Variants in SCAI observed in about 807,000 individuals in gnomAD.
The protein encoded by SCAI is suppressor of cancer cell invasion, also known as protein SCAI.
In SCAI, 24 loss-of-function variants were observed where a neutral mutation model predicts 92.2. The observed-to-expected ratio is 0.26, with a 90% confidence interval of 0.19 to 0.37. SCAI has a LOEUF of 0.37. Ranked by LOEUF, SCAI falls within the 10% of genes least tolerant of loss-of-function variation. The probability of loss-of-function intolerance (pLI) is 1.00; values close to 1 mark genes in which losing one functional copy is unlikely to be tolerated. For missense variants in SCAI, 450 were observed against 736.2 expected, an observed-to-expected ratio of 0.61 and a Z score of 4.50; for synonymous variants, 261 against 258.6, an observed-to-expected ratio of 1.01 and a Z score of -0.09.
chr9:125,007,140 A>C (rs1238074651), intron 9 of SCAI, among the ~76,000 whole-genome samples: 1 of 152,104 alleles, frequency 6.6e-6, no homozygotes, highest in African/African-American at 2.4e-5. Flanking sequence ...AAGAAAGAGA[A>C]TGCTGGGGGA....
chr9:124,999,577 G>A lies in SCAI; in HGVS notation c.1244+314C>T, dbSNP rs142338701. Among the ~76,000 whole-genome samples, 134 of 152,210 alleles carry A rather than the reference G, an allele frequency of 8.8e-4. No homozygotes were observed. The East Asian group carries it at 0.013, about 14-fold the overall frequency. ...ATTGATGTTACATGTATAATGTCCTGACATATTATTTATTTATGTATATAT... is the reference window on the plus strand; with the variant it reads ...ATTGATGTTACATGTATAATGTCCTAACATATTATTTATTTATGTATATAT... On this transcript the variant is annotated intron_variant, in intron 13 of 17. Coordinates refer to ENST00000336505, the MANE Select transcript of SCAI (RefSeq NM_001144877.3).
At chr9:125,103,218 C>T (rs1421066742) in intron 2 of SCAI, among the ~76,000 whole-genome samples, 1 of 152,114 alleles carries the variant, frequency 6.6e-6, no homozygotes, top group African/African-American at 2.4e-5. Flanking sequence ...GACATCATTC[C>T]CCTGGTTCTC....
chr9:125,113,445 T>A (rs763826232), intron 2 of SCAI, among the ~76,000 whole-genome samples: 6 of 152,042 alleles, frequency 3.9e-5, no homozygotes, highest in Non-Finnish European at 5.9e-5. Context: ...AAGAGGACCC[T>A]GAGGAAATGC....
At chr9:125,045,970 G>A (rs945584884) in intron 3 of SCAI, among the ~76,000 whole-genome samples, 1 of 151,486 alleles carries the variant, frequency 6.6e-6, no homozygotes, top group Non-Finnish European at 1.5e-5. Context: ...ATGTAAACTA[G>A]TACAACCACT....
chr9:125,084,158 C>CCTTTTT (rs1224570781), intron 2 of SCAI, among the ~76,000 whole-genome samples: 7 of 65,116 alleles, frequency 1.1e-4, no homozygotes, highest in African/African-American at 4.6e-4. Context: ...TTGGCTGCTG[C>CCTTTTT]TTTTTTTTTT....
chr9:125,137,786 G>A (rs1000349565), intron 2 of SCAI, among the ~76,000 whole-genome samples: 2 of 152,082 alleles, frequency 1.3e-5, no homozygotes, highest in African/African-American at 4.8e-5. Context: ...ATTTTTAGTA[G>A]AGATGGGGTT....
intron 14 of SCAI, among the ~76,000 whole-genome samples, chr9:124,982,461 C>G (rs1467600098): frequency 1.3e-5 from 2 of 152,118 alleles, no homozygotes; most frequent in South Asian, 2.1e-4. Flanking sequence ...CATCTGAGGT[C>G]AGGAGTTCGA....
chr9:125,113,456 G>A (rs1024662175), intron 2 of SCAI, among the ~76,000 whole-genome samples: 4 of 152,088 alleles, frequency 2.6e-5, no homozygotes, highest in African/African-American at 7.2e-5. Context: ...GAGGAAATGC[G>A]ATGACTAACT....
At chr9:125,056,064 C>A (rs1417768039) in intron 2 of SCAI, 57 bp from the exon 3 acceptor site, 7 of 1,331,782 alleles carry the variant, frequency 5.3e-6, no homozygotes, top group Non-Finnish European at 7.3e-6. Context: ...TAGAAAAAAA[C>A]CTTAGTTATA....
intron 3 of SCAI, among the ~76,000 whole-genome samples, chr9:125,033,988 GACAC>G (rs1833137890): frequency 6.6e-6 from 1 of 152,014 alleles, no homozygotes; most frequent in South Asian, 2.1e-4. Flanking sequence ...GGAAATAGAC[GACAC>G]ACAAGTGGGT....
chr9:125,080,128 G>A (rs776527546), intron 2 of SCAI, among the ~76,000 whole-genome samples: 20 of 152,026 alleles, frequency 1.3e-4, no homozygotes, highest in Non-Finnish European at 2.6e-4. Flanking sequence ...CAGGGGGCAG[G>A]GTACAGAAGA....
intron 2 of SCAI, among the ~76,000 whole-genome samples, chr9:125,081,161 A>G (rs1180746129): frequency 6.6e-6 from 1 of 152,222 alleles, no homozygotes; most frequent in Non-Finnish European, 1.5e-5. Flanking sequence ...GGAATAATAC[A>G]GTAAATTGGT....
chr9:125,075,556 T>C (rs1834071143), intron 2 of SCAI, among the ~76,000 whole-genome samples: 2 of 145,830 alleles, frequency 1.4e-5, no homozygotes, highest in African/African-American at 2.6e-5. Context: ...CACCACCACG[T>C]CCAGCTAATT....
chr9:125,068,316 C>A (rs758920560), intron 2 of SCAI, among the ~76,000 whole-genome samples: 2 of 151,864 alleles, frequency 1.3e-5, no homozygotes, highest in African/African-American at 4.8e-5. Flanking sequence ...ACCTGGGCAA[C>A]AAAGCAAGAC....
At position 125,053,357 on chromosome 9, in the gene SCAI, C is replaced by T. The variant is rs555633265; in HGVS notation, c.230+2519G>A. ...CTCAAAAAAAAGGAAAACCTACGCTCACATAAAAACTTGTATACAAATGTT... is the reference window on the plus strand; with the variant it reads ...CTCAAAAAAAAGGAAAACCTACGCTTACATAAAAACTTGTATACAAATGTT... On this transcript the variant is annotated intron_variant, in intron 3 of 17. Transcript: ENST00000336505. Among the ~76,000 whole-genome samples, 3 of 152,148 alleles carry T rather than the reference C, an allele frequency of 2.0e-5. No homozygotes were observed. In the South Asian group the frequency reaches 6.2e-4, roughly 32 times the overall value.
intron 11 of SCAI, among the ~76,000 whole-genome samples, chr9:125,002,870 T>C (rs1832392060): frequency 6.6e-6 from 1 of 150,584 alleles, no homozygotes; most frequent in Non-Finnish European, 1.5e-5. Context: ...ATGATGGGAA[T>C]AATCACAACA....
chr9:125,041,833 T>A (rs2131109909), intron 3 of SCAI, among the ~76,000 whole-genome samples: 1 of 152,336 alleles, frequency 6.6e-6, no homozygotes, highest in Middle Eastern at 3.4e-3. Flanking sequence ...AGTTTCTTTT[T>A]CAAAATAGGG....
intron 14 of SCAI, among the ~76,000 whole-genome samples, chr9:124,994,665 A>C (rs1164718218): frequency 6.6e-6 from 1 of 152,120 alleles, no homozygotes; most frequent in Non-Finnish European, 1.5e-5. Context: ...TAAACCTCCC[A>C]CCAGAGATCT....
At chr9:125,073,471 C>A (rs1474492054) in intron 2 of SCAI, among the ~76,000 whole-genome samples, 1 of 152,136 alleles carries the variant, frequency 6.6e-6, no homozygotes, top group African/African-American at 2.4e-5. Context: ...TATAGTCCCA[C>A]CAACAATGCA....
Sources: gnomAD v4.1 joint callset for allele counts (sites outside exome capture counted in the v4.1 genomes callset) on GRCh38, gnomAD v4.1.1 for gene constraint, MANE v1.5 for transcripts, NCBI Gene and HGNC (gene_info 2026-07-23, HGNC 2026-07-21) for gene names.